PKD1L3: variants seen among roughly 807,000 people sequenced by gnomAD.
PKD1L3 encodes polycystin-1-like protein 3.
PKD1L3 carries 239 observed loss-of-function variants against 184.1 expected under a neutral mutation model. The observed-to-expected ratio is 1.30, with a 90% confidence interval of 1.17 to 1.45. The LOEUF is 1.45. PKD1L3 is among the 40% of genes most tolerant of loss of function. The pLI is 0.00. For missense variants in PKD1L3, 2,660 were observed against 2,067.2 expected, an observed-to-expected ratio of 1.29 and a Z score of -5.56; for synonymous variants, 996 against 778.8, an observed-to-expected ratio of 1.28 and a Z score of -4.64.
chr16:71,983,809 G>A (rs1431606371), intron 6 of PKD1L3, among the ~76,000 whole-genome samples: 1 of 151,144 alleles, frequency 6.6e-6, no homozygotes, highest in South Asian at 2.1e-4. Context: ...GATTACAGGT[G>A]CCCGCCACCG....
intron 19 of PKD1L3, among the ~76,000 whole-genome samples, chr16:71,950,830 T>G (rs1478150132): frequency 6.6e-6 from 1 of 151,412 alleles, no homozygotes; most frequent in Non-Finnish European, 1.5e-5. Context: ...CCTCCCGGGT[T>G]CAAGTGATCC....
At chr16:71,977,882 C>A (rs1294519185) in intron 10 of PKD1L3, among the ~76,000 whole-genome samples, 1 of 152,166 alleles carries the variant, frequency 6.6e-6, no homozygotes, top group African/African-American at 2.4e-5. Flanking sequence ...TCAAGCTATT[C>A]TCCTGCCTCA....
At chr16:71,977,089 T>C in intron 11 of PKD1L3, 147 bp downstream of exon 11, 1 of 664,412 alleles carries the variant, frequency 1.5e-6, no homozygotes, top group Non-Finnish European at 2.6e-6. Context: ...GGTGCGCACT[T>C]GTAGTCCCAG....
At chr16:71,945,444 C>T (rs73590051) in intron 22 of PKD1L3, among the ~76,000 whole-genome samples, 5,743 of 147,114 alleles carry the variant, frequency 0.039, 393 homozygotes, top group African/African-American at 0.14. Flanking sequence ...ATTGGGAGGC[C>T]AAGGAGGACT....
At chr16:71,949,437 C>T (rs976296339) in intron 21 of PKD1L3, among the ~76,000 whole-genome samples, 4 of 151,222 alleles carry the variant, frequency 2.6e-5, no homozygotes, top group African/African-American at 7.3e-5. Flanking sequence ...ACTGCAGCCT[C>T]GACCTCCTGG....
At chr16:71,937,624 CAA>C (rs1273541990) in intron 24 of PKD1L3, among the ~76,000 whole-genome samples, 1 of 152,100 alleles carries the variant, frequency 6.6e-6, no homozygotes, top group Non-Finnish European at 1.5e-5. Context: ...ACTGGTTTTA[CAA>C]AAGTCAGTAG....
At chr16:71,935,623 T>A in intron 25 of PKD1L3, 105 bp from the exon 26 acceptor site, 1 of 1,059,868 alleles carries the variant, frequency 9.4e-7, no homozygotes, top group Non-Finnish European at 1.3e-6. Context: ...CAAAGCACAC[T>A]GCCAGGCATT....
At chr16:71,940,023 AC>A (rs2038305796) in intron 24 of PKD1L3, among the ~76,000 whole-genome samples, 1 of 152,164 alleles carries the variant, frequency 6.6e-6, no homozygotes, top group Non-Finnish European at 1.5e-5. Context: ...GCTAATTCTA[AC>A]CAAGAAACCT....
At chr16:71,956,150 A>G (rs1016636410) in intron 16 of PKD1L3, among the ~76,000 whole-genome samples, 4 of 145,332 alleles carry the variant, frequency 2.8e-5, no homozygotes, top group African/African-American at 7.8e-5. Flanking sequence ...GAGCCACTGC[A>G]CCTGGCCCAT....
At chr16:71,979,942 T>C (rs979189897) in intron 8 of PKD1L3, 30 bp from the exon 9 acceptor site, 5 of 1,549,716 alleles carry the variant, frequency 3.2e-6, no homozygotes, top group Non-Finnish European at 4.4e-6. Context: ...TGGAAGTCAA[T>C]TTTTGTGTGT....
rs76125437 is a variant in PKD1L3, at chr16:71,995,744, A to G, written c.419-2412T>C. On this transcript the variant is annotated intron_variant, in intron 2 of 29. Transcript: ENST00000620267. ...ACTTTTGCTGGTTTGACTTTGGGAT[A>G]GATTCCTAGCAGTGGACACTGGGTC... Among the ~76,000 whole-genome samples the G allele has an allele frequency of 8.8e-3, 1,344 of 152,348 alleles. 41 individuals are homozygous for G. The East Asian group carries it at 0.11, about 13-fold the overall frequency.
intron 4 of PKD1L3, among the ~76,000 whole-genome samples, chr16:71,989,149 G>GT (rs1364662803): frequency 6.6e-6 from 1 of 151,982 alleles, no homozygotes; most frequent in Non-Finnish European, 1.5e-5. Flanking sequence ...AATACTGAGG[G>GT]TTTTTTTGTT....
intron 3 of PKD1L3, among the ~76,000 whole-genome samples, chr16:71,991,882 C>T (rs1482490543): frequency 6.6e-6 from 1 of 152,346 alleles, no homozygotes; most frequent in East Asian, 1.9e-4. Context: ...CGGTATGGCT[C>T]TAACAGCCTC....
chr16:71,983,727 C>A (rs1288435568), intron 6 of PKD1L3, among the ~76,000 whole-genome samples: 1 of 116,288 alleles, frequency 8.6e-6, no homozygotes, highest in Non-Finnish European at 1.6e-5. Flanking sequence ...AGTGGAGTGG[C>A]GGGATCTTGG....
At chr16:71,958,340 T>C (rs1305317313) in intron 16 of PKD1L3, among the ~76,000 whole-genome samples, 1 of 129,314 alleles carries the variant, frequency 7.7e-6, no homozygotes, top group Non-Finnish European at 1.6e-5. Context: ...TGAGCCGAGA[T>C]CCCGCCACTG....
chr16:71,976,738 G>C (rs2039939600), intron 11 of PKD1L3, among the ~76,000 whole-genome samples: 1 of 152,140 alleles, frequency 6.6e-6, no homozygotes, highest in South Asian at 2.1e-4. Context: ...GGGCAACATG[G>C]CAAGACCCTG....
Position 71,937,321 on chromosome 16 carries a change from G to C in PKD1L3, c.4423C>G (p.Leu1475Val). ...ATGAAGGCATAGTAACAGACCAGTAGATAATAGATGACTTGTGAGATGATA... is the reference window on the plus strand; with the variant it reads ...ATGAAGGCATAGTAACAGACCAGTACATAATAGATGACTTGTGAGATGATA... ...WSIISQVIYYLLVCYYAFIQG... is the reference protein window; with the variant it reads ...WSIISQVIYYVLVCYYAFIQG... Residue 1475 changes from leucine (L) to valine (V), a missense_variant, in exon 25 of 30, where the codon CTA becomes GTA. Transcript: ENST00000620267. 1 of 1,551,552 alleles carries C rather than the reference G, an allele frequency of 6.4e-7. No homozygotes were observed. The highest frequency in any genetic ancestry group is 8.7e-7 in the Non-Finnish European group (1 of 1,146,930).
At chr16:71,932,705 C>T (rs1778353013) in intron 28 of PKD1L3, among the ~76,000 whole-genome samples, 1 of 150,742 alleles carries the variant, frequency 6.6e-6, no homozygotes, top group African/African-American at 2.4e-5. Flanking sequence ...TCTTGAACTC[C>T]TGACCTCAAA....
At chr16:71,939,096 A>T (rs1429371495) in intron 24 of PKD1L3, among the ~76,000 whole-genome samples, 1 of 152,206 alleles carries the variant, frequency 6.6e-6, no homozygotes, top group Admixed American at 6.5e-5. Flanking sequence ...TCTAGGCACC[A>T]TGGCATTCCT....
Sources: gnomAD v4.1 joint callset for allele counts (sites outside exome capture counted in the v4.1 genomes callset) on GRCh38, gnomAD v4.1.1 for gene constraint, MANE v1.5 for transcripts, NCBI Gene and HGNC (gene_info 2026-07-23, HGNC 2026-07-21) for gene names.